MTBP: variants seen among roughly 807,000 people sequenced by gnomAD.
MTBP encodes the protein mdm2-binding protein.
In MTBP, 101 loss-of-function variants were observed where a neutral mutation model predicts 117.0. The ratio of observed to expected loss-of-function variants is 0.86; its 90% CI spans 0.73 to 1.02. The LOEUF is 1.02. Among genes scored for constraint, MTBP ranks in the 50% least tolerant of loss-of-function variants. The pLI is 0.00. For synonymous variants in MTBP, 350 were observed against 351.5 expected (o/e 1.00, Z 0.05); for missense variants, 970 against 1,030.9 (o/e 0.94, Z 0.81).
At chr8:120,500,763 A>G (rs1056144229) in intron 14 of MTBP, among the ~76,000 whole-genome samples, 40 of 152,234 alleles carry the variant, frequency 2.6e-4, no homozygotes, top group Non-Finnish European at 5.6e-4. Flanking sequence ...TTGTTTAAAA[A>G]TTCCTTTAAC....
intron 13 of MTBP, among the ~76,000 whole-genome samples, chr8:120,495,798 G>C (rs1445432715): frequency 6.6e-6 from 1 of 151,590 alleles, no homozygotes; most frequent in East Asian, 1.9e-4. Context: ...CTTATTTCAT[G>C]GGTGCAGTAT....
intron 1 of MTBP, among the ~76,000 whole-genome samples, 185 bp from the exon 2 acceptor site, chr8:120,446,248 G>A (rs1224236188): frequency 6.6e-6 from 1 of 152,134 alleles, no homozygotes; most frequent in African/African-American, 2.4e-5. Context: ...GTACAGATCG[G>A]GAGCCTTTTC....
At chr8:120,487,652 C>A (rs1402685634) in intron 11 of MTBP, among the ~76,000 whole-genome samples, 1 of 152,212 alleles carries the variant, frequency 6.6e-6, no homozygotes, top group Non-Finnish European at 1.5e-5. Context: ...GCTGTCTTAA[C>A]TGACCTTCAC....
Position 120,523,623 on chromosome 8 carries a change from A to ATT in MTBP, c.*298_*299dup. The ATT allele has an allele frequency of 3.7e-5, 6 of 162,596 alleles. No homozygotes were observed. Among genetic ancestry groups the ATT allele is most frequent in the Middle Eastern group, 2.6e-3 (1 of 382 alleles). 10.1% of individuals were successfully genotyped at this position (162,596 alleles called of 1,614,324 possible). A position where few individuals can be genotyped will look rare whatever the true frequency, so the allele number is the denominator to read the frequency against. On this transcript the variant is annotated 3_prime_UTR_variant, in exon 22 of 22. Transcript: ENST00000305949. ...TTATTTAATTATTACAATAAACAGAATTTTTTTTTTTTACTTTTTGGATTT... is the reference window on the plus strand; with the variant it reads ...TTATTTAATTATTACAATAAACAGAATTTTTTTTTTTTTTACTTTTTGGATTT...
intron 11 of MTBP, among the ~76,000 whole-genome samples, chr8:120,477,198 T>C (rs1048404877): frequency 7.9e-5 from 12 of 152,158 alleles, no homozygotes; most frequent in Non-Finnish European, 1.2e-4. Context: ...TGGCTAGCCA[T>C]ATGCAGAAAG....
intron 11 of MTBP, among the ~76,000 whole-genome samples, chr8:120,485,641 G>C (rs553125407): frequency 6.6e-6 from 1 of 152,148 alleles, no homozygotes; most frequent in Non-Finnish European, 1.5e-5. Flanking sequence ...AGTATTTTCT[G>C]TCACTTGCTT....
intron 11 of MTBP, among the ~76,000 whole-genome samples, chr8:120,476,825 G>T (rs1286668321): frequency 6.6e-6 from 1 of 152,146 alleles, no homozygotes; most frequent in East Asian, 1.9e-4. Context: ...TGGCCTTACT[G>T]CCCAAAGTAA....
chr8:120,480,277 G>A (rs1400626037), intron 11 of MTBP, among the ~76,000 whole-genome samples: 1 of 151,918 alleles, frequency 6.6e-6, no homozygotes, highest in Non-Finnish European at 1.5e-5. Flanking sequence ...AGGCGTGGTG[G>A]CAGGCACCTG....
At position 120,450,985 on chromosome 8, in the gene MTBP, TGTG is replaced by T; in HGVS notation, c.200-15_200-13del. 6.3e-7 allele frequency: 1 copy of T among 1,590,878 alleles called. No homozygotes were observed. Among genetic ancestry groups the T allele is most frequent in the Non-Finnish European group, 8.6e-7 (1 of 1,164,518 alleles). The stretch of plus-strand genomic sequence containing the variant: ...TTATGGTATGCCTTTTTAATAATAA[TGTG>T]GTTTTATTTTCAAGCCTGTTCAGTG... On this transcript the variant is annotated splice_polypyrimidine_tract_variant and intron_variant, in intron 2 of 21. Transcript: ENST00000305949.
intron 17 of MTBP, 104 bp downstream of exon 17, chr8:120,510,133 G>C: frequency 1.2e-6 from 1 of 822,448 alleles, no homozygotes; most frequent in Non-Finnish European, 1.8e-6. Flanking sequence ...CAGAGACCAA[G>C]AGGATATGTC....
At position 120,488,202 on chromosome 8, in the gene MTBP, CTT is replaced by C. The variant is rs760389048; in HGVS notation, c.1210_1211del (p.Leu404ValfsTer4). On this transcript the variant is annotated frameshift_variant, in exon 12 of 22. Coordinates refer to ENST00000305949, the MANE Select transcript of MTBP (RefSeq NM_022045.5). LOFTEE classifies it high-confidence loss of function. Reference protein sequence around the residue: ...VKGECSSYYLLLQGNGNRRCK... With the variant: ...VKGECSSYYLXLQGNGNRRCK... ...AAGGAGAGTGTTCTAGCTATTATCT[CTT>C]GTTACAAGGTAATGGCAATAGAAGA... is the stretch of plus-strand genomic sequence containing the variant. 1.1e-5 allele frequency: 18 copies of C among 1,592,820 alleles called. No homozygotes were observed. In the South Asian group the frequency reaches 2.1e-4, roughly 19 times the overall value.
intron 12 of MTBP, among the ~76,000 whole-genome samples, chr8:120,489,205 A>G (rs1814288950): frequency 6.6e-6 from 1 of 151,852 alleles, no homozygotes; most frequent in Non-Finnish European, 1.5e-5. Flanking sequence ...TGCCCAGCTA[A>G]TTTGTGTATT....
rs752861841 is a variant in MTBP, at chr8:120,523,312, A to G, written c.2691A>G (p.Val897=). Residue 897 remains valine, a synonymous_variant, in exon 22 of 22, where the codon GTA becomes GTG. Coordinates refer to ENST00000305949, the MANE Select transcript of MTBP (RefSeq NM_022045.5). ...NNNAVQVIDW[V]LEKTSKK is the part of the protein sequence containing the mutation. ...TCTCCCCCTAGGTGATTGACTGGGT[A>G]TTAGAAAAGACAAGCAAGAAATGAT... 1 of 1,556,750 alleles carries G rather than the reference A, an allele frequency of 6.4e-7. No homozygotes were observed. The highest frequency in any genetic ancestry group is 8.7e-7 in the Non-Finnish European group (1 of 1,143,922).
intron 10 of MTBP, among the ~76,000 whole-genome samples, chr8:120,469,518 C>T (rs1415471961): frequency 2.6e-5 from 4 of 152,162 alleles, no homozygotes; most frequent in Non-Finnish European, 4.4e-5. Flanking sequence ...TCAAGGCTCT[C>T]GTCTCCTTTG....
At chr8:120,469,657 T>C (rs978708214) in intron 10 of MTBP, among the ~76,000 whole-genome samples, 2 of 152,232 alleles carry the variant, frequency 1.3e-5, no homozygotes, top group Non-Finnish European at 2.9e-5. Flanking sequence ...TTACTCACAT[T>C]TGTTTTTTGT....
At chr8:120,494,292 C>T (rs13267496) in intron 13 of MTBP, among the ~76,000 whole-genome samples, 81,617 of 152,016 alleles carry the variant, frequency 0.54, 24,877 homozygotes, top group Non-Finnish European at 0.67. Context: ...AATAAATGTG[C>T]GTTTTGTTGA....
intron 1 of MTBP, among the ~76,000 whole-genome samples, chr8:120,446,073 G>A (rs1215108633): frequency 1.3e-5 from 2 of 152,160 alleles, no homozygotes; most frequent in African/African-American, 2.4e-5. Flanking sequence ...TGGTGCACCC[G>A]TCTAGATTCA....
chr8:120,462,966 C>T (rs530430041), intron 9 of MTBP, among the ~76,000 whole-genome samples: 18 of 151,864 alleles, frequency 1.2e-4, no homozygotes, highest in Admixed American at 5.2e-4. Flanking sequence ...GATGTTTGGC[C>T]GTGTTTTTAC....
intron 10 of MTBP, among the ~76,000 whole-genome samples, chr8:120,466,371 T>C (rs1379598206): frequency 6.6e-6 from 1 of 151,284 alleles, no homozygotes; most frequent in Non-Finnish European, 1.5e-5. Context: ...ACCACCATGG[T>C]TGGCTAATTT....
Sources: allele counts gnomAD v4.1 joint callset (sites outside exome capture counted in the v4.1 genomes callset), GRCh38; gene constraint gnomAD v4.1.1; transcripts MANE v1.5; gene names NCBI Gene and HGNC (gene_info 2026-07-23, HGNC 2026-07-21).